PALMD: variants seen among roughly 807,000 people sequenced by gnomAD.
PALMD encodes paralemmin-like protein.
Under a neutral mutation model 56.2 loss-of-function variants are expected in PALMD, and 42 were observed. The ratio of observed to expected loss-of-function variants is 0.75; its 90% CI spans 0.58 to 0.97. The LOEUF (loss-of-function observed/expected upper bound fraction) is 0.97, where lower values mean the gene tolerates loss of function less well. PALMD is among the 50% of genes least tolerant of loss of function. PALMD has a pLI of 0.00. For synonymous variants in PALMD, 242 were observed against 222.9 expected, an observed-to-expected ratio of 1.09 and a Z score of -0.76; for missense variants, 660 against 643.8, an observed-to-expected ratio of 1.03 and a Z score of -0.27.
At position 99,655,546 on chromosome 1, in the gene PALMD, T is replaced by C. The variant is rs375037740; in HGVS notation, c.46-6773T>C. Among the ~76,000 whole-genome samples the C allele has an allele frequency of 1.5e-4, 23 of 152,306 alleles. No individual in the cohort carries two copies. In the East Asian group the frequency reaches 4.2e-3, roughly 28 times the overall value. ...TTCACCAGTCTTTAAATATTCATCA[T>C]TCACCTCTTTGCCTCTTCAAAAAAA... On this transcript the variant is annotated intron_variant, in intron 1 of 7. Coordinates refer to ENST00000263174, the MANE Select transcript of PALMD (RefSeq NM_017734.5).
chr1:99,671,536 C>T (rs929617256), intron 3 of PALMD, among the ~76,000 whole-genome samples: 10 of 152,170 alleles, frequency 6.6e-5, no homozygotes, highest in Admixed American at 2.0e-4. Context: ...CAACACTGCA[C>T]GGATCTTTAT....
chr1:99,674,991 C>G (rs1653170021), intron 3 of PALMD, among the ~76,000 whole-genome samples: 1 of 152,208 alleles, frequency 6.6e-6, no homozygotes, highest in Non-Finnish European at 1.5e-5. Context: ...TCCACACCCA[C>G]CCCCTTGCGA....
intron 3 of PALMD, among the ~76,000 whole-genome samples, chr1:99,680,675 T>A (rs7513313): frequency 2.2e-3 from 330 of 152,246 alleles, no homozygotes; most frequent in African/African-American, 7.5e-3. Context: ...AAGATAGGCA[T>A]GTGAAAGTTA....
chr1:99,672,697 G>A (rs960313246), intron 3 of PALMD, among the ~76,000 whole-genome samples: 5 of 152,150 alleles, frequency 3.3e-5, no homozygotes, highest in African/African-American at 1.2e-4. Flanking sequence ...CTTGAACTGT[G>A]TCCAAAGACC....
At chr1:99,662,663 C>T (rs1369294973) in intron 2 of PALMD, among the ~76,000 whole-genome samples, 1 of 152,136 alleles carries the variant, frequency 6.6e-6, no homozygotes, top group African/African-American at 2.4e-5. Context: ...CTTGAGCAAC[C>T]TTGAGAATTC....
intron 3 of PALMD, among the ~76,000 whole-genome samples, chr1:99,674,265 G>A (rs907566390): frequency 3.3e-5 from 5 of 152,032 alleles, no homozygotes; most frequent in African/African-American, 1.2e-4. Context: ...CCCCCACCAT[G>A]ATAAGCTGAA....
intron 7 of PALMD, among the ~76,000 whole-genome samples, chr1:99,692,024 ACATTATGTC>A (rs1653662820): frequency 6.6e-6 from 1 of 152,220 alleles, no homozygotes; most frequent in African/African-American, 2.4e-5. Flanking sequence ...AATTCAGGCA[ACATTATGTC>A]CATCTGCTTA....
intron 2 of PALMD, among the ~76,000 whole-genome samples, chr1:99,662,646 C>T (rs1219268551): frequency 6.6e-6 from 1 of 152,130 alleles, no homozygotes; most frequent in Non-Finnish European, 1.5e-5. Context: ...CTGAGTTTCC[C>T]AATTTTCTTG....
intron 2 of PALMD, among the ~76,000 whole-genome samples, 197 bp downstream of exon 2, chr1:99,662,596 A>C (rs1652870958): frequency 6.6e-6 from 1 of 152,234 alleles, no homozygotes. Context: ...AAACATGTGC[A>C]AAGTTGAACA....
chr1:99,673,802 C>T (rs1425282212), intron 3 of PALMD, among the ~76,000 whole-genome samples: 1 of 152,132 alleles, frequency 6.6e-6, no homozygotes, highest in Non-Finnish European at 1.5e-5. Context: ...CACATACAAG[C>T]CCCTAGTACA....
intron 1 of PALMD, among the ~76,000 whole-genome samples, 171 bp from the exon 2 acceptor site, chr1:99,662,148 C>T (rs1206726143): frequency 6.6e-6 from 1 of 152,172 alleles, no homozygotes; most frequent in African/African-American, 2.4e-5. Context: ...GAAAATGCTT[C>T]AAATGTCTCA....
intron 3 of PALMD, among the ~76,000 whole-genome samples, chr1:99,681,793 A>C (rs1305190527): frequency 6.6e-6 from 1 of 152,180 alleles, no homozygotes. Flanking sequence ...AAGTTATGAG[A>C]AGCAAAACTG....
chr1:99,665,148 A>G (rs1652933727), intron 2 of PALMD, among the ~76,000 whole-genome samples: 1 of 152,136 alleles, frequency 6.6e-6, no homozygotes, highest in South Asian at 2.1e-4. Flanking sequence ...GTTCAATTCA[A>G]TCTACAAAAA....
intron 1 of PALMD, among the ~76,000 whole-genome samples, chr1:99,657,655 TAA>T (rs1182466550): frequency 6.6e-6 from 1 of 152,250 alleles, no homozygotes; most frequent in Admixed American, 6.5e-5. Flanking sequence ...TCTCAATATG[TAA>T]ATAAATTCTG....
rs994920382 is a variant in PALMD, at chr1:99,667,839, A to G, written c.251+73A>G. 17 of 1,339,000 alleles carry G rather than the reference A, an allele frequency of 1.3e-5. No homozygotes were observed. In the African/African-American group the frequency reaches 2.5e-4, roughly 20 times the overall value. 82.9% of individuals were successfully genotyped at this position (1,339,000 alleles called of 1,614,324 possible). On this transcript the variant is annotated intron_variant, in intron 3 of 7. Coordinates refer to ENST00000263174, the MANE Select transcript of PALMD (RefSeq NM_017734.5). ...ATCCCATGTTGTGCATAGACATGCC[A>G]TTCTCACTTTCAGGGGCATAATCAA... is the stretch of plus-strand genomic sequence containing the variant.
chr1:99,655,083 C>A (rs759370353), intron 1 of PALMD, among the ~76,000 whole-genome samples: 24 of 152,020 alleles, frequency 1.6e-4, no homozygotes, highest in Non-Finnish European at 3.1e-4. Context: ...TGCAACCAGA[C>A]CCTAATGTAC....
At chr1:99,691,722 T>C (rs1368707045) in intron 7 of PALMD, among the ~76,000 whole-genome samples, 1 of 152,102 alleles carries the variant, frequency 6.6e-6, no homozygotes, top group East Asian at 1.9e-4. Flanking sequence ...CTTCTCCCCA[T>C]AACTCCCCCA....
chr1:99,648,269 C>T (rs1280859436), intron 1 of PALMD, among the ~76,000 whole-genome samples: 7 of 152,180 alleles, frequency 4.6e-5, no homozygotes, highest in Non-Finnish European at 1.5e-5. Context: ...AATCCAGTCA[C>T]ATTTGTCACC....
intron 1 of PALMD, among the ~76,000 whole-genome samples, chr1:99,648,378 CGCCCTT>C (rs935297113): frequency 3.3e-5 from 5 of 152,122 alleles, no homozygotes; most frequent in African/African-American, 1.2e-4. Flanking sequence ...TCCTCGCCCT[CGCCCTT>C]GCCTTGCCCA....
Sources: allele counts gnomAD v4.1 joint callset (sites outside exome capture counted in the v4.1 genomes callset), GRCh38; gene constraint gnomAD v4.1.1; transcripts MANE v1.5; gene names NCBI Gene and HGNC (gene_info 2026-07-23, HGNC 2026-07-21).